Variants in OR10D3 observed in about 807,000 individuals in gnomAD.
OR10D3 encodes olfactory receptor 10D3.
For missense variants in OR10D3, 286 were observed against 153.7 expected (o/e 1.86, Z -4.55); for synonymous variants, 100 against 57.6 (o/e 1.74, Z -3.33).
chr11:124,186,063 A>G, exon 2 of OR10D3: 1 of 703,220 alleles, frequency 1.4e-6, no homozygotes, highest in South Asian at 1.5e-5. Context: ...CCCACACCCA[A>G]CCCCATGCTG....
exon 2 of OR10D3, chr11:124,185,330 G>C (rs1395308360): frequency 1.1e-5 from 8 of 703,266 alleles, no homozygotes; most frequent in Non-Finnish European, 1.8e-5. Context: ...CCCACACACA[G>C]AGGGGCTGGA....
intron 1 of OR10D3, chr11:124,184,109 C>G (rs1231616644): frequency 6.6e-6 from 1 of 151,468 alleles, no homozygotes; most frequent in Non-Finnish European, 1.5e-5. Context: ...AGAGCTTCTT[C>G]TGGAGTGCAG....
At chr11:124,185,362 C>T (rs961900678) in exon 2 of OR10D3, 23 of 703,086 alleles carry the variant, frequency 3.3e-5, no homozygotes, top group South Asian at 3.0e-4. Context: ...TTGTCTTATT[C>T]TTGCCCTTCT....
intron 1 of OR10D3, among the ~76,000 whole-genome samples, chr11:124,183,964 ACT>A (rs1233151043): frequency 6.6e-6 from 1 of 152,128 alleles, no homozygotes; most frequent in African/African-American, 2.4e-5. Context: ...AGTAACAGAA[ACT>A]CTAAATGAGC....
At position 124,188,077 on chromosome 11, in the gene OR10D3, C is replaced by T. The variant is rs369086632; in HGVS notation, c.*1869C>T. On this transcript the variant is annotated 3_prime_UTR_variant, in exon 2 of 2. Coordinates refer to ENST00000641351, the Ensembl canonical transcript of OR10D3. Reference sequence around the variant, plus strand: ...ACATCCAAGATAAAGATATTTTCTCCCACTCTTATGAAGGAAATGGTAACC... The same window carrying T: ...ACATCCAAGATAAAGATATTTTCTCTCACTCTTATGAAGGAAATGGTAACC... 6 of 152,270 alleles carry T rather than the reference C, an allele frequency of 3.9e-5. No individual in the cohort carries two copies. The East Asian group carries it at 7.7e-4, about 20-fold the overall frequency. The allele number at this position is 152,270 out of a possible 1,614,324, so 9.4% of individuals were successfully genotyped here. A position where few individuals can be genotyped will look rare whatever the true frequency, so the allele number is the denominator to read the frequency against.
In OR10D3 at chr11:124,185,259, G is replaced by A. The variant is rs764350795; in HGVS notation, c.-11G>A. On this transcript the variant is annotated splice_region_variant and 5_prime_UTR_variant, in exon 2 of 2. It removes the in-frame stop codon of an upstream open reading frame in the 5' UTR. Transcript: ENST00000641351. Reference sequence around the variant, plus strand: ...CCTCAGCCTCCTCTTTCCTTCCTAGGACTGGCTTCCATGGAGGTGAAGAAC... The same window carrying A: ...CCTCAGCCTCCTCTTTCCTTCCTAGAACTGGCTTCCATGGAGGTGAAGAAC... The A allele has an allele frequency of 5.7e-6, 4 of 699,716 alleles. No homozygotes were observed. The highest frequency in any genetic ancestry group is 1.0e-5 in the Non-Finnish European group (4 of 383,254). The allele number at this position is 699,716 out of a possible 1,614,324, so 43.3% of individuals were successfully genotyped here.
chr11:124,184,300 A>G (rs1861195079), intron 1 of OR10D3: 2 of 152,278 alleles, frequency 1.3e-5, no homozygotes, highest in Middle Eastern at 3.4e-3. Context: ...GAGTTATCTT[A>G]TTTCCTTCAT....
exon 2 of OR10D3, chr11:124,185,445 T>C (rs1337326186): frequency 2.8e-6 from 2 of 703,122 alleles, no homozygotes; most frequent in East Asian, 2.7e-5. Flanking sequence ...CACACACCTA[T>C]GTATTTCTTC....
At chr11:124,185,719 G>C (rs1175521990) in exon 2 of OR10D3, 1 of 703,480 alleles carries the variant, frequency 1.4e-6, no homozygotes, top group Non-Finnish European at 2.6e-6. Flanking sequence ...GCACATGGCT[G>C]TTAGGGTGCA....
exon 2 of OR10D3, chr11:124,187,066 A>G (rs1861234727): frequency 6.6e-6 from 1 of 152,188 alleles, no homozygotes; most frequent in Non-Finnish European, 1.5e-5. Context: ...TTTCTAGGTA[A>G]GATTCTACTG....
intron 1 of OR10D3, among the ~76,000 whole-genome samples, chr11:124,183,679 T>C (rs1591376407): frequency 2.0e-5 from 3 of 151,438 alleles, no homozygotes; most frequent in African/African-American, 7.3e-5. Flanking sequence ...TGCCTTAGTC[T>C]CCAGAGTAGC....
intron 1 of OR10D3, among the ~76,000 whole-genome samples, chr11:124,183,620 C>T (rs754218550): frequency 6.3e-5 from 9 of 141,802 alleles, no homozygotes; most frequent in Non-Finnish European, 1.1e-4. Context: ...TGCAGTGGCA[C>T]GATCTCAGCT....
At chr11:124,188,386 C>G (rs1340968929) in exon 2 of OR10D3, 1 of 152,270 alleles carries the variant, frequency 6.6e-6, no homozygotes, top group African/African-American at 2.4e-5. Context: ...ATACAAAAAT[C>G]AGCAACAGCT....
chr11:124,184,736 G>A (rs1368809912), intron 1 of OR10D3, among the ~76,000 whole-genome samples: 1 of 152,198 alleles, frequency 6.6e-6, no homozygotes, highest in African/African-American at 2.4e-5. Context: ...AGGATTAGAT[G>A]AACGGAGATC....
chr11:124,186,245 CT>C (rs1469835365), exon 2 of OR10D3: 14 of 640,580 alleles, frequency 2.2e-5, no homozygotes, highest in Non-Finnish European at 3.7e-5. Flanking sequence ...TCTGGAATTC[CT>C]TTTGCTTTGA....
intron 1 of OR10D3, 101 bp downstream of exon 1, chr11:124,183,484 CTCTTTCTTTTTTTT>C (rs1231839344): frequency 1.3e-5 from 2 of 150,064 alleles, no homozygotes; most frequent in Non-Finnish European, 3.0e-5. Context: ...CTCTTTTTTT[CTCTTTCTTTTTTTT>C]TCTTTCTTTC....
exon 2 of OR10D3, chr11:124,186,168 A>G: frequency 1.4e-6 from 1 of 702,928 alleles, no homozygotes. Flanking sequence ...ACAGCCCTGA[A>G]AACAATATTG....
At chr11:124,187,309 T>A (rs1196010263) in exon 2 of OR10D3, 1 of 152,200 alleles carries the variant, frequency 6.6e-6, no homozygotes, top group African/African-American at 2.4e-5. Context: ...CAAAAAAAAT[T>A]GTAAATAAAA....
exon 2 of OR10D3, chr11:124,188,441 T>C (rs1861248783): frequency 6.6e-6 from 1 of 152,224 alleles, no homozygotes; most frequent in South Asian, 2.1e-4. Context: ...TGCCTTCTTC[T>C]GTCACCTGTG....
Sources: allele counts gnomAD v4.1 joint callset (sites outside exome capture counted in the v4.1 genomes callset), GRCh38; gene constraint gnomAD v4.1.1; transcripts MANE v1.5; gene names NCBI Gene and HGNC (gene_info 2026-07-23, HGNC 2026-07-21).